The following DGKB variants were observed in gnomAD, a reference collection of about 807,000 sequenced individuals.
DGKB encodes the protein diacylglycerol kinase beta.
A neutral mutation model predicts 114.3 loss-of-function variants in DGKB; 67 were observed. That is an observed-to-expected ratio of 0.59 (90% CI 0.48 to 0.72). The LOEUF (loss-of-function observed/expected upper bound fraction) is 0.72, where lower values mean the gene tolerates loss of function less well. DGKB is among the 30% of genes least tolerant of loss of function. DGKB has a pLI of 0.00. For synonymous variants in DGKB, 398 were observed against 323.1 expected (o/e 1.23, Z -2.49); for missense variants, 907 against 975.2 (o/e 0.93, Z 0.93).
intron 21 of DGKB, among the ~76,000 whole-genome samples, chr7:14,396,101 G>T (rs948860436): frequency 2.0e-5 from 3 of 151,920 alleles, no homozygotes; most frequent in Admixed American, 6.6e-5. Flanking sequence ...TGTTGGTTAG[G>T]ATGAGATTTC....
rs144276945 is a variant in DGKB, at chr7:14,872,008, C to T, written c.-187-30558G>A. On this transcript the variant is annotated intron_variant, in intron 1 of 25. Coordinates refer to ENST00000402815, the MANE Select transcript of DGKB (RefSeq NM_001350709.2). ...AATACAGCGATCTTCAAGACAGAAC[C>T]GGGATTCTCAGGAACATTAACCTCT... 9.2e-5 allele frequency among the ~76,000 whole-genome samples: 14 copies of T among 152,094 alleles called. No individual in the cohort carries two copies. In the South Asian group the frequency reaches 2.1e-3, roughly 23 times the overall value.
chr7:14,668,570 A>T (rs568128899), intron 13 of DGKB, among the ~76,000 whole-genome samples: 1 of 152,234 alleles, frequency 6.6e-6, no homozygotes, highest in South Asian at 2.1e-4. Context: ...TTATGTTGTC[A>T]CTTTGAAAAC....
chr7:14,587,709 A>G (rs922389584), intron 17 of DGKB, among the ~76,000 whole-genome samples: 5 of 152,144 alleles, frequency 3.3e-5, no homozygotes, highest in Admixed American at 6.6e-5. Context: ...TTTGGTTCCC[A>G]TTAAAATCAA....
intron 1 of DGKB, among the ~76,000 whole-genome samples, chr7:14,924,049 G>T (rs1021827187): frequency 1.4e-5 from 2 of 147,006 alleles, no homozygotes; most frequent in African/African-American, 2.6e-5. Flanking sequence ...ATGACCTGAA[G>T]GCAGAAGGCA....
chr7:14,201,991 T>C (rs907056434), intron 23 of DGKB, among the ~76,000 whole-genome samples: 3 of 151,994 alleles, frequency 2.0e-5, no homozygotes, highest in Non-Finnish European at 4.4e-5. Context: ...ACCTTTAAAT[T>C]TGGCTTACAA....
chr7:14,363,398 T>C (rs915360870), intron 21 of DGKB, among the ~76,000 whole-genome samples: 3 of 152,150 alleles, frequency 2.0e-5, no homozygotes, highest in African/African-American at 7.2e-5. Context: ...TATTGTGAAA[T>C]TGCTATGGTA....
chr7:14,741,847 A>G (rs144802745), intron 4 of DGKB, among the ~76,000 whole-genome samples: 258 of 152,310 alleles, frequency 1.7e-3, no homozygotes, highest in Middle Eastern at 6.8e-3. Context: ...TTGGGTAGCT[A>G]GGGATTTAAA....
chr7:14,488,128 G>A (rs1378264010), intron 20 of DGKB, among the ~76,000 whole-genome samples: 1 of 152,002 alleles, frequency 6.6e-6, no homozygotes, highest in African/African-American at 2.4e-5. Context: ...ATCTTACTGA[G>A]AATTTCTCTA....
intron 13 of DGKB, among the ~76,000 whole-genome samples, chr7:14,670,323 G>A (rs907932859): frequency 1.3e-5 from 2 of 150,340 alleles, no homozygotes; most frequent in South Asian, 4.2e-4. Flanking sequence ...TTTTTTTTGA[G>A]ACAGAGTCTC....
In DGKB at chr7:14,148,372, TTGGTG is replaced by T. The variant is rs1781709337; in HGVS notation, c.*754_*758del. ...ATAGTTTAAAACTTCTATTTCGTTA[TTGGTG>T]TGGTTATGAATTCTCTCCTAGATTC... On this transcript the variant is annotated 3_prime_UTR_variant, in exon 26 of 26. Coordinates refer to ENST00000402815, the MANE Select transcript of DGKB (RefSeq NM_001350709.2). 6.5e-6 allele frequency: 1 copy of T among 152,742 alleles called. No individual in the cohort carries two copies. The highest frequency in any genetic ancestry group is 1.9e-4 in the East Asian group (1 of 5,178). 9.5% of individuals were successfully genotyped at this position (152,742 alleles called of 1,614,324 possible).
intron 12 of DGKB, among the ~76,000 whole-genome samples, chr7:14,681,614 C>T (rs888990934): frequency 1.3e-5 from 2 of 151,926 alleles, no homozygotes; most frequent in African/African-American, 2.4e-5. Context: ...TCCTGTAACA[C>T]GAATACTCAC....
At chr7:14,605,543 T>A (rs2128775403) in intron 17 of DGKB, among the ~76,000 whole-genome samples, 1 of 151,886 alleles carries the variant, frequency 6.6e-6, no homozygotes, top group Middle Eastern at 3.4e-3. Context: ...AATTTTTTTC[T>A]AAATAATATT....
chr7:14,155,753 G>C (rs927098322), intron 25 of DGKB, among the ~76,000 whole-genome samples: 2 of 152,104 alleles, frequency 1.3e-5, no homozygotes, highest in Non-Finnish European at 2.9e-5. Context: ...CATGCTTGTG[G>C]TCTTCGTAAT....
At chr7:14,165,132 T>C (rs1187675589) in intron 25 of DGKB, among the ~76,000 whole-genome samples, 3 of 152,174 alleles carry the variant, frequency 2.0e-5, no homozygotes, top group African/African-American at 7.2e-5. Context: ...CCAGAAAACA[T>C]TATTTTCAAG....
At chr7:14,744,188 T>C (rs1488641528) in intron 4 of DGKB, among the ~76,000 whole-genome samples, 1 of 152,342 alleles carries the variant, frequency 6.6e-6, no homozygotes, top group Non-Finnish European at 1.5e-5. Context: ...TACTTCTTTC[T>C]CTTTGCCTGG....
intron 13 of DGKB, among the ~76,000 whole-genome samples, chr7:14,660,784 C>T (rs1404620848): frequency 6.6e-6 from 1 of 151,946 alleles, no homozygotes; most frequent in Non-Finnish European, 1.5e-5. Context: ...GGAGGCATCA[C>T]ACTACCTGAC....
chr7:14,755,962 T>A (rs185317999), intron 3 of DGKB, among the ~76,000 whole-genome samples: 4 of 152,202 alleles, frequency 2.6e-5, no homozygotes, highest in Admixed American at 6.6e-5. Flanking sequence ...TGTATTACAT[T>A]GTTGAAAAGG....
At chr7:14,598,149 A>G (rs1477410278) in intron 17 of DGKB, among the ~76,000 whole-genome samples, 3 of 152,136 alleles carry the variant, frequency 2.0e-5, no homozygotes, top group Non-Finnish European at 4.4e-5. Context: ...CTTCCAAAAA[A>G]CTTTATTTAG....
intron 21 of DGKB, among the ~76,000 whole-genome samples, chr7:14,459,305 G>C (rs1480247169): frequency 6.6e-6 from 1 of 152,092 alleles, no homozygotes; most frequent in Non-Finnish European, 1.5e-5. Flanking sequence ...CCTGCTTGCT[G>C]GCTCTGAAGA....
Sources: gnomAD v4.1 joint callset for allele counts (sites outside exome capture counted in the v4.1 genomes callset) on GRCh38, gnomAD v4.1.1 for gene constraint, MANE v1.5 for transcripts, NCBI Gene and HGNC (gene_info 2026-07-23, HGNC 2026-07-21) for gene names.